HNRNPLL: variants seen among roughly 807,000 people sequenced by gnomAD.
HNRNPLL encodes heterogeneous nuclear ribonucleoprotein L like.
In HNRNPLL, 25 loss-of-function variants were observed where a neutral mutation model predicts 67.1. That is an observed-to-expected ratio of 0.37 (90% CI 0.27 to 0.52). The LOEUF is 0.52. HNRNPLL is among the 20% of genes least tolerant of loss of function. The pLI is 0.90. For synonymous variants in HNRNPLL, 267 were observed against 241.7 expected (o/e 1.10, Z -0.97); for missense variants, 542 against 673.9 (o/e 0.80, Z 2.17).
chr2:38,588,951 T>TC (rs1250887375), intron 2 of HNRNPLL, among the ~76,000 whole-genome samples: 1 of 152,140 alleles, frequency 6.6e-6, no homozygotes, highest in Non-Finnish European at 1.5e-5. Context: ...TGCTTTTAAC[T>TC]CCATCAATTT....
rs1667507877 is a variant in HNRNPLL at position 38,602,809 on chromosome 2, G to C, written c.-183C>G. ...GGCTGAGAAGCGCGGACGGACTGAG[G>C]GGGGCGCCCCGGGAGGAAGCTCTGG... On this transcript the variant is annotated 5_prime_UTR_variant, in exon 1 of 13. Coordinates refer to ENST00000449105, the MANE Select transcript of HNRNPLL (RefSeq NM_138394.4). 3.9e-6 allele frequency: 6 copies of C among 1,544,874 alleles called. No homozygotes were observed. The highest frequency in any genetic ancestry group is 2.5e-5 in the East Asian group (1 of 40,098).
chr2:38,588,546 CAAAA>C (rs70954733), intron 2 of HNRNPLL, among the ~76,000 whole-genome samples: 3,842 of 50,922 alleles, frequency 0.075, 111 homozygotes, highest in South Asian at 0.22. Context: ...AACTCCATCT[CAAAA>C]AAAAAAAAAA....
chr2:38,595,705 G>A (rs928705198), intron 1 of HNRNPLL, among the ~76,000 whole-genome samples: 4 of 152,200 alleles, frequency 2.6e-5, no homozygotes, highest in South Asian at 2.1e-4. Context: ...TTAGCCGGGC[G>A]TGGTGGCGGG....
intron 1 of HNRNPLL, chr2:38,601,732 G>A (rs1222114235): frequency 6.6e-6 from 1 of 152,106 alleles, no homozygotes; most frequent in African/African-American, 2.4e-5. Context: ...AAAAACTTTA[G>A]TAATTTTAAG....
intron 1 of HNRNPLL, among the ~76,000 whole-genome samples, chr2:38,597,085 T>C (rs1667224599): frequency 2.0e-5 from 3 of 152,202 alleles, no homozygotes; most frequent in African/African-American, 7.2e-5. Flanking sequence ...TAACTTTAAA[T>C]GCTAATTTTG....
rs1666173203 is a variant in HNRNPLL at position 38,573,396 on chromosome 2, A to G, written c.906T>C (p.Ser302=). 6.2e-7 allele frequency: 1 copy of G among 1,611,584 alleles called. No homozygotes were observed. Among genetic ancestry groups the G allele is most frequent in the Non-Finnish European group, 8.5e-7 (1 of 1,178,782 alleles). ...GSHGPLLPLP[S]RYRMGSRDTP... ...TATCTCGAGAGCCCATTCTGTAACGACTTGGTAAAGGCAATAATGGACCAT... is the reference window on the plus strand; with the variant it reads ...TATCTCGAGAGCCCATTCTGTAACGGCTTGGTAAAGGCAATAATGGACCAT... Residue 302 remains serine (S), a synonymous_variant, in exon 8 of 13, where the codon AGT becomes AGC. Coordinates refer to ENST00000449105, the MANE Select transcript of HNRNPLL (RefSeq NM_138394.4).
intron 1 of HNRNPLL, among the ~76,000 whole-genome samples, chr2:38,594,449 T>A (rs1667092867): frequency 6.6e-6 from 1 of 152,070 alleles, no homozygotes; most frequent in South Asian, 2.1e-4. Flanking sequence ...TTTCAAATAG[T>A]TTAGGGGAAA....
intron 1 of HNRNPLL, among the ~76,000 whole-genome samples, chr2:38,595,299 A>C (rs1667134558): frequency 1.4e-5 from 2 of 141,748 alleles, no homozygotes; most frequent in Non-Finnish European, 3.1e-5. Flanking sequence ...AAAAAAAAAG[A>C]AAAGAAAAAA....
chr2:38,572,597 G>A (rs1020506899), intron 8 of HNRNPLL, among the ~76,000 whole-genome samples: 9 of 151,898 alleles, frequency 5.9e-5, no homozygotes, highest in Non-Finnish European at 1.2e-4. Flanking sequence ...ATAAAACCTC[G>A]CAGATTTGGG....
At chr2:38,600,426 C>T (rs901556263) in intron 1 of HNRNPLL, among the ~76,000 whole-genome samples, 2 of 152,108 alleles carry the variant, frequency 1.3e-5, no homozygotes, top group Non-Finnish European at 2.9e-5. Context: ...TTCTCAGACT[C>T]ACACAAATTG....
At position 38,602,734 on chromosome 2, in the gene HNRNPLL, G is replaced by T; in HGVS notation, c.-108C>A. 6.7e-7 allele frequency: 1 copy of T among 1,490,840 alleles called. No homozygotes were observed. Among genetic ancestry groups the T allele is most frequent in the South Asian group, 1.3e-5 (1 of 77,096 alleles). The allele number at this position is 1,490,840 out of a possible 1,614,324, so 92.4% of individuals were successfully genotyped here. On this transcript the variant is annotated 5_prime_UTR_variant, in exon 1 of 13. Transcript: ENST00000449105. ...CCGCCGGCAGCGCCTCTTCTGCGAG[G>T]GTCTCCGCGGCCCGGCCGTCCGCGG...
chr2:38,583,997 GT>G, intron 3 of HNRNPLL, 71 bp from the exon 4 acceptor site: 1 of 602,202 alleles, frequency 1.7e-6, no homozygotes, highest in Non-Finnish European at 2.9e-6. Context: ...ACTTCGTTTT[GT>G]TTTACCTAAA....
At chr2:38,566,534 T>TG (rs1169962991) in intron 12 of HNRNPLL, among the ~76,000 whole-genome samples, 1 of 152,144 alleles carries the variant, frequency 6.6e-6, no homozygotes, top group African/African-American at 2.4e-5. Flanking sequence ...CACTCAGTGT[T>TG]GCTAAGAGTG....
chr2:38,594,302 G>A (rs1029233336), intron 1 of HNRNPLL, among the ~76,000 whole-genome samples: 1 of 152,156 alleles, frequency 6.6e-6, no homozygotes, highest in Non-Finnish European at 1.5e-5. Flanking sequence ...AATACAGACA[G>A]GATATTAGGT....
intron 1 of HNRNPLL, among the ~76,000 whole-genome samples, chr2:38,595,345 T>G (rs1012974769): frequency 6.7e-6 from 1 of 149,120 alleles, no homozygotes; most frequent in Non-Finnish European, 1.5e-5. Context: ...CTCTTCTTAC[T>G]ACCCCCTTCC....
At position 38,563,296 on chromosome 2, in the gene HNRNPLL, A is replaced by G. The variant is rs1665729360; in HGVS notation, c.*886T>C. 1.3e-5 allele frequency: 2 copies of G among 152,248 alleles called. No individual in the cohort carries two copies. The highest frequency in any genetic ancestry group is 1.9e-4 in the East Asian group (1 of 5,192). The allele number at this position is 152,248 out of a possible 1,614,324, so 9.4% of individuals were successfully genotyped here. ...TGTACCATATAGAAAAATACATATT[A>G]CTGATGGATCCAAGAGTTAAAAAAT... On this transcript the variant is annotated 3_prime_UTR_variant, in exon 13 of 13. Transcript: ENST00000449105.
intron 1 of HNRNPLL, among the ~76,000 whole-genome samples, chr2:38,596,800 C>T (rs116643824): frequency 6.6e-6 from 1 of 152,060 alleles, no homozygotes; most frequent in African/African-American, 2.4e-5. Flanking sequence ...CTATTGCTTA[C>T]CAGACTAGAA....
intron 1 of HNRNPLL, among the ~76,000 whole-genome samples, chr2:38,598,080 T>A (rs1667281187): frequency 6.6e-6 from 1 of 151,678 alleles, no homozygotes; most frequent in Non-Finnish European, 1.5e-5. Flanking sequence ...CCTTACCCGT[T>A]CTGTTTAAAA....
chr2:38,577,476 T>C lies in HNRNPLL; in HGVS notation c.859A>G (p.Arg287Gly). Residue 287 changes from arginine to glycine, a missense_variant, in exon 7 of 13, where the codon AGA becomes GGA. This residue lies in a region of HNRNPLL where 415 missense variants were observed against 575.2 expected (regional missense o/e 0.72). Transcript: ENST00000449105. The stretch of plus-strand genomic sequence containing the variant: ...GACAACTTACCATAGCCATCATGTC[T>C]AAACGAAGAAGGGTGTTCTCCCAAA... ...AILGEHPSSF[R>G]HDGYGSHGPL... The C allele has an allele frequency of 6.2e-7, 1 of 1,605,874 alleles. No homozygotes were observed. Among genetic ancestry groups the C allele is most frequent in the Non-Finnish European group, 8.5e-7 (1 of 1,172,710 alleles).
Sources: allele counts gnomAD v4.1 joint callset (sites outside exome capture counted in the v4.1 genomes callset), GRCh38; gene constraint gnomAD v4.1.1; regional missense constraint gnomAD v4.1.1; transcripts MANE v1.5; gene names NCBI Gene and HGNC (gene_info 2026-07-23, HGNC 2026-07-21).